Variants in SYT16 observed in about 807,000 individuals in gnomAD.
SYT16 encodes synaptotagmin-16.
SYT16 carries 42 observed loss-of-function variants against 61.4 expected under a neutral mutation model. The observed-to-expected ratio is 0.68, with a 90% confidence interval of 0.53 to 0.89. The LOEUF (loss-of-function observed/expected upper bound fraction) is 0.89, where lower values mean the gene tolerates loss of function less well. Among genes scored for constraint, SYT16 ranks in the 40% least tolerant of loss-of-function variants. The pLI, the probability that SYT16 is intolerant of heterozygous loss-of-function variation, is 0.00. For synonymous variants in SYT16, 314 were observed against 302.3 expected, an observed-to-expected ratio of 1.04 and a Z score of -0.40; for missense variants, 804 against 807.3, an observed-to-expected ratio of 1.00 and a Z score of 0.05.
intron 1 of SYT16, among the ~76,000 whole-genome samples, chr14:61,833,706 C>CTTTTTTTT (rs11357318): frequency 8.3e-4 from 40 of 48,270 alleles, no homozygotes; most frequent in Non-Finnish European, 9.7e-4. Flanking sequence ...CCAGCAGTGG[C>CTTTTTTTT]TTTTTTTTTT....
At position 62,106,292 on chromosome 14, in the gene SYT16, A is replaced by G. The variant is rs116742041; in HGVS notation, c.*5585A>G. Reference sequence around the variant, plus strand: ...TGTTAAGTTAGTCTAACTATGTGCCATAAACAGTAGAGTTCCTTGTTACTA... The same window carrying G: ...TGTTAAGTTAGTCTAACTATGTGCCGTAAACAGTAGAGTTCCTTGTTACTA... On this transcript the variant is annotated 3_prime_UTR_variant, in exon 8 of 8. Coordinates refer to ENST00000683842, the MANE Select transcript of SYT16 (RefSeq NM_001367656.1). 1.3e-5 allele frequency: 2 copies of G among 152,352 alleles called. No homozygotes were observed. 9.4% of individuals were successfully genotyped at this position (152,352 alleles called of 1,614,324 possible).
At chr14:61,853,640 C>T (rs774982110) in intron 1 of SYT16, among the ~76,000 whole-genome samples, 9 of 152,198 alleles carry the variant, frequency 5.9e-5, no homozygotes, top group Non-Finnish European at 1.2e-4. Flanking sequence ...TGGAACTTTC[C>T]AGACTCCATA....
chr14:61,831,143 C>T (rs1275957905), intron 1 of SYT16, among the ~76,000 whole-genome samples: 4 of 152,198 alleles, frequency 2.6e-5, no homozygotes, highest in African/African-American at 7.2e-5. Flanking sequence ...GACATCTAGC[C>T]AGGGATGCTG....
At chr14:61,853,311 G>A (rs1347097405) in intron 1 of SYT16, among the ~76,000 whole-genome samples, 1 of 152,186 alleles carries the variant, frequency 6.6e-6, no homozygotes, top group Non-Finnish European at 1.5e-5. Context: ...GCCCTTTAGA[G>A]GCTGGGCATC....
chr14:62,081,812 A>G (rs56227051), intron 6 of SYT16, among the ~76,000 whole-genome samples: 5,091 of 152,294 alleles, frequency 0.033, 116 homozygotes, highest in South Asian at 0.052. Flanking sequence ...TGGGCAGCTC[A>G]CTACTGCTGT....
At chr14:61,989,420 A>T (rs1004298662) in intron 2 of SYT16, among the ~76,000 whole-genome samples, 2 of 152,078 alleles carry the variant, frequency 1.3e-5, no homozygotes, top group African/African-American at 4.8e-5. Flanking sequence ...AAAATTAGCC[A>T]GGCCTGATGG....
intron 7 of SYT16, among the ~76,000 whole-genome samples, chr14:62,087,761 G>A (rs1257489445): frequency 6.6e-6 from 1 of 151,038 alleles, no homozygotes; most frequent in Non-Finnish European, 1.5e-5. Flanking sequence ...TGAACAAACA[G>A]TAGATGAAGT....
At chr14:62,010,590 C>A (rs146052399) in intron 3 of SYT16, among the ~76,000 whole-genome samples, 104 of 152,254 alleles carry the variant, frequency 6.8e-4, no homozygotes, top group African/African-American at 2.3e-3. Context: ...TCTGGAATTT[C>A]TGCTATCCTA....
rs567247733 is a variant in SYT16, at chr14:61,999,298, T to A, written c.523+2756T>A. ...TTTTGAAACATAAACTCAATTTATT[T>A]AATAGGTATAAGGGTAACCTAGTTT... On this transcript the variant is annotated intron_variant, in intron 3 of 7. Coordinates refer to ENST00000683842, the MANE Select transcript of SYT16 (RefSeq NM_001367656.1). Among the ~76,000 whole-genome samples, 313 of 152,016 alleles carry A rather than the reference T, an allele frequency of 2.1e-3. 2 individuals carry two copies. The highest frequency in any genetic ancestry group is 4.7e-3 in the Admixed American group (71 of 15,240).
chr14:61,939,254 A>T (rs930010827), intron 1 of SYT16, among the ~76,000 whole-genome samples: 6 of 152,216 alleles, frequency 3.9e-5, no homozygotes, highest in African/African-American at 1.4e-4. Flanking sequence ...TTCCTGATGG[A>T]TGCATAATCC....
chr14:61,936,466 C>T (rs1221395340), intron 1 of SYT16, among the ~76,000 whole-genome samples: 1 of 151,944 alleles, frequency 6.6e-6, no homozygotes, highest in Non-Finnish European at 1.5e-5. Context: ...TGCCACAAGG[C>T]GGCTAATGAG....
chr14:62,089,563 A>G (rs945114148), intron 7 of SYT16, among the ~76,000 whole-genome samples: 2 of 152,206 alleles, frequency 1.3e-5, no homozygotes, highest in African/African-American at 4.8e-5. Context: ...GCTATTTGAA[A>G]ATTACTGTAA....
intron 1 of SYT16, among the ~76,000 whole-genome samples, chr14:61,824,443 C>T (rs1395449847): frequency 6.6e-6 from 1 of 152,128 alleles, no homozygotes; most frequent in Non-Finnish European, 1.5e-5. Context: ...ACCTCCACCT[C>T]CCGGGTTCAC....
chr14:62,097,903 C>T (rs1309637353), intron 7 of SYT16, among the ~76,000 whole-genome samples: 1 of 152,212 alleles, frequency 6.6e-6, no homozygotes, highest in Non-Finnish European at 1.5e-5. Flanking sequence ...ACTTTTTCTA[C>T]AGGAATCATG....
At chr14:62,041,454 G>C (rs2054727540) in intron 3 of SYT16, among the ~76,000 whole-genome samples, 1 of 152,148 alleles carries the variant, frequency 6.6e-6, no homozygotes, top group African/African-American at 2.4e-5. Flanking sequence ...AGACTGTGTT[G>C]AGCCTGTTGA....
chr14:61,836,240 G>A (rs891883016), intron 1 of SYT16, among the ~76,000 whole-genome samples: 11 of 152,072 alleles, frequency 7.2e-5, no homozygotes, highest in African/African-American at 2.7e-4. Context: ...ATTTCTCATG[G>A]TACCTTCCAC....
At chr14:61,980,464 T>G (rs75611103) in intron 2 of SYT16, among the ~76,000 whole-genome samples, 1 of 152,210 alleles carries the variant, frequency 6.6e-6, no homozygotes, top group African/African-American at 2.4e-5. Flanking sequence ...AGAATTGATA[T>G]TAATCTTATA....
At chr14:61,874,387 G>C (rs1260566371) in intron 1 of SYT16, among the ~76,000 whole-genome samples, 1 of 152,136 alleles carries the variant, frequency 6.6e-6, no homozygotes, top group Non-Finnish European at 1.5e-5. Context: ...TGTATGAGTG[G>C]GTTCCACAGG....
At chr14:61,855,305 A>G (rs1478576380) in intron 1 of SYT16, among the ~76,000 whole-genome samples, 1 of 152,214 alleles carries the variant, frequency 6.6e-6, no homozygotes, top group Non-Finnish European at 1.5e-5. Context: ...ACAGATGTAT[A>G]CAGATGCTCC....
Sources: gnomAD v4.1 joint callset for allele counts (sites outside exome capture counted in the v4.1 genomes callset) on GRCh38, gnomAD v4.1.1 for gene constraint, MANE v1.5 for transcripts, NCBI Gene and HGNC (gene_info 2026-07-23, HGNC 2026-07-21) for gene names.